DOCK4: variants seen among roughly 807,000 people sequenced by gnomAD.
DOCK4 encodes dedicator of cytokinesis 4, also known as dedicator of cytokinesis protein 4.
DOCK4 carries 97 observed loss-of-function variants against 268.1 expected under a neutral mutation model. The observed-to-expected ratio is 0.36, with a 90% confidence interval of 0.31 to 0.43. DOCK4 has a LOEUF of 0.43. DOCK4 is among the 20% of genes least tolerant of loss of function. The probability of loss-of-function intolerance (pLI) is 1.00; values close to 1 mark genes in which losing one functional copy is unlikely to be tolerated. For missense variants in DOCK4, 2,145 were observed against 2,455.7 expected (o/e 0.87, Z 2.67); for synonymous variants, 954 against 887.2 (o/e 1.08, Z -1.34).
At chr7:112,093,826 C>G (rs1469751720) in intron 1 of DOCK4, among the ~76,000 whole-genome samples, 1 of 151,094 alleles carries the variant, frequency 6.6e-6, no homozygotes, top group African/African-American at 2.4e-5. Flanking sequence ...AAAAATTGAT[C>G]CACCATAACT....
intron 8 of DOCK4, among the ~76,000 whole-genome samples, chr7:111,976,294 T>C (rs1353492083): frequency 3.9e-5 from 3 of 77,770 alleles, no homozygotes; most frequent in South Asian, 4.7e-4. Flanking sequence ...TATATATATA[T>C]ATATATATAT....
chr7:112,066,693 A>ATGTATGTATGTATGTGTGTGTG (rs1563052141), intron 1 of DOCK4, among the ~76,000 whole-genome samples: 1 of 8,016 alleles, frequency 1.2e-4, no homozygotes, highest in African/African-American at 2.7e-4. Context: ...ACATATACAT[A>ATGTATGTATGTATGTGTGTGTG]TATATATATA....
At chr7:112,038,573 C>T (rs1804058967) in intron 1 of DOCK4, among the ~76,000 whole-genome samples, 1 of 152,152 alleles carries the variant, frequency 6.6e-6, no homozygotes, top group Non-Finnish European at 1.5e-5. Flanking sequence ...TACTGTCACT[C>T]TTGTGCCACC....
At chr7:112,109,991 G>A (rs527602433) in intron 1 of DOCK4, among the ~76,000 whole-genome samples, 61 of 151,896 alleles carry the variant, frequency 4.0e-4, no homozygotes, top group African/African-American at 1.4e-3. Flanking sequence ...TGATCCGCCC[G>A]CCTCGGCCTC....
intron 1 of DOCK4, among the ~76,000 whole-genome samples, chr7:112,033,775 A>G (rs1803492225): frequency 6.6e-6 from 1 of 152,194 alleles, no homozygotes; most frequent in Non-Finnish European, 1.5e-5. Flanking sequence ...GAGCCACTAC[A>G]TTCCTGTTGA....
At chr7:111,874,686 G>A (rs1049234064) in intron 17 of DOCK4, among the ~76,000 whole-genome samples, 1 of 152,172 alleles carries the variant, frequency 6.6e-6, no homozygotes, top group South Asian at 2.1e-4. Flanking sequence ...TTTACTAGGT[G>A]TATATTATGT....
chr7:111,988,537 A>T (rs151019113), intron 6 of DOCK4, among the ~76,000 whole-genome samples: 2 of 152,322 alleles, frequency 1.3e-5, no homozygotes, highest in Non-Finnish European at 2.9e-5. Flanking sequence ...TACAGGACTA[A>T]TCACAGCAAT....
At chr7:112,196,865 C>T (rs1820496348) in intron 1 of DOCK4, among the ~76,000 whole-genome samples, 1 of 152,072 alleles carries the variant, frequency 6.6e-6, no homozygotes, top group Non-Finnish European at 1.5e-5. Flanking sequence ...GAAATGATTA[C>T]CACAATCAAA....
intron 2 of DOCK4, among the ~76,000 whole-genome samples, chr7:112,002,031 T>C (rs1800465962): frequency 6.6e-6 from 1 of 152,200 alleles, no homozygotes; most frequent in African/African-American, 2.4e-5. Flanking sequence ...GTAGTAAATA[T>C]TATGCCTAAT....
At chr7:111,928,065 C>G (rs1793879738) in intron 12 of DOCK4, among the ~76,000 whole-genome samples, 1 of 152,138 alleles carries the variant, frequency 6.6e-6, no homozygotes, top group South Asian at 2.1e-4. Context: ...TATAAAAAAA[C>G]TAAGATTAAA....
At chr7:111,910,791 T>C (rs1033906707) in intron 13 of DOCK4, among the ~76,000 whole-genome samples, 1 of 152,084 alleles carries the variant, frequency 6.6e-6, no homozygotes, top group Non-Finnish European at 1.5e-5. Flanking sequence ...TCACAGAAAA[T>C]GTTTTTTCTC....
intron 8 of DOCK4, among the ~76,000 whole-genome samples, chr7:111,960,776 C>T (rs1796814378): frequency 6.6e-6 from 1 of 152,042 alleles, no homozygotes; most frequent in African/African-American, 2.4e-5. Flanking sequence ...TGAGATCATG[C>T]ACTCTTTGTC....
chr7:111,941,429 A>C (rs1795186925), intron 10 of DOCK4, among the ~76,000 whole-genome samples: 1 of 152,196 alleles, frequency 6.6e-6, no homozygotes, highest in South Asian at 2.1e-4. Flanking sequence ...CACTTTTTTA[A>C]ATGAAAAAAA....
At chr7:111,833,476 T>A (rs1803002721) in intron 26 of DOCK4, among the ~76,000 whole-genome samples, 1 of 151,796 alleles carries the variant, frequency 6.6e-6, no homozygotes, top group South Asian at 2.1e-4. Context: ...CCTAGGAGTT[T>A]CAGGATGCAG....
At chr7:112,136,914 G>T (rs990991574) in intron 1 of DOCK4, among the ~76,000 whole-genome samples, 1 of 152,162 alleles carries the variant, frequency 6.6e-6, no homozygotes, top group African/African-American at 2.4e-5. Flanking sequence ...AAGCAAAATG[G>T]TATTCAGCTA....
Position 111,834,690 on chromosome 7 carries a change from AG to A in DOCK4, c.2737-5del. The A allele has an allele frequency of 2.0e-6, 3 of 1,509,138 alleles. No individual in the cohort carries two copies. The highest frequency in any genetic ancestry group is 2.7e-6 in the Non-Finnish European group (3 of 1,129,806). The allele number at this position is 1,509,138 out of a possible 1,614,324, so 93.5% of individuals were successfully genotyped here. On this transcript the variant is annotated splice_region_variant and splice_polypyrimidine_tract_variant and intron_variant, in intron 25 of 52. Transcript: ENST00000428084. ...GGAGACAAGCAACAAACTCCCCCTA[AG>A]TTAAAAAAAAAAAAAGCATACATTT...
At chr7:111,914,317 C>T (rs1175084577) in intron 13 of DOCK4, among the ~76,000 whole-genome samples, 5 of 152,172 alleles carry the variant, frequency 3.3e-5, no homozygotes, top group Admixed American at 1.3e-4. Flanking sequence ...GCTGCCCTCC[C>T]ATATTCCCTC....
chr7:111,782,754 T>C, intron 35 of DOCK4, 110 bp downstream of exon 35: 1 of 1,125,484 alleles, frequency 8.9e-7, no homozygotes, highest in Non-Finnish European at 1.3e-6. Context: ...TAAAAATAAC[T>C]CTTCTAAGAA....
intron 8 of DOCK4, among the ~76,000 whole-genome samples, chr7:111,950,838 C>G (rs780986553): frequency 1.8e-4 from 27 of 152,180 alleles, no homozygotes; most frequent in Non-Finnish European, 2.8e-4. Context: ...TTATATTCAA[C>G]ATACAGTAAT....
Sources: allele counts gnomAD v4.1 joint callset (sites outside exome capture counted in the v4.1 genomes callset), GRCh38; gene constraint gnomAD v4.1.1; transcripts MANE v1.5; gene names NCBI Gene and HGNC (gene_info 2026-07-23, HGNC 2026-07-21).